TEF: variants seen among roughly 807,000 people sequenced by gnomAD.
TEF encodes the protein thyrotroph embryonic factor.
TEF carries 3 observed loss-of-function variants against 20.8 expected under a neutral mutation model. That is an observed-to-expected ratio of 0.14 (90% CI 0.07 to 0.37). The LOEUF is 0.37. TEF is among the 10% of genes least tolerant of loss of function. The probability of loss-of-function intolerance (pLI) is 1.00; values close to 1 mark genes in which losing one functional copy is unlikely to be tolerated. For synonymous variants in TEF, 180 were observed against 171.1 expected (o/e 1.05, Z -0.41); for missense variants, 296 against 397.9 (o/e 0.74, Z 2.18).
At chr22:41,387,755 G>A in intron 2 of TEF, 87 bp downstream of exon 2, 2 of 1,366,378 alleles carry the variant, frequency 1.5e-6, no homozygotes, top group Non-Finnish European at 2.0e-6. Flanking sequence ...CATGTACCCA[G>A]TGAGTCCCTT....
At chr22:41,393,741 C>T (rs1446632327) in intron 2 of TEF, among the ~76,000 whole-genome samples, 1 of 149,684 alleles carries the variant, frequency 6.7e-6, no homozygotes, top group Non-Finnish European at 1.5e-5. Context: ...CCACTGCACT[C>T]CAGCCTGGGC....
chr22:41,375,110 C>T (rs1033564211), intron 1 of TEF, among the ~76,000 whole-genome samples: 4 of 152,172 alleles, frequency 2.6e-5, no homozygotes, highest in Non-Finnish European at 2.9e-5. Context: ...TCACACAGGG[C>T]AGAGGTGAGG....
intron 1 of TEF, among the ~76,000 whole-genome samples, chr22:41,386,111 C>A (rs938724473): frequency 1.1e-4 from 17 of 152,214 alleles, no homozygotes; most frequent in Non-Finnish European, 4.4e-5. Flanking sequence ...AATCCTGACC[C>A]CCCCGCACCT....
chr22:41,394,022 G>C, intron 2 of TEF, 74 bp from the exon 3 acceptor site: 3 of 1,398,670 alleles, frequency 2.1e-6, no homozygotes, highest in Non-Finnish European at 2.0e-6. Flanking sequence ...GTTCAACCAG[G>C]TGTCTGGGTG....
intron 2 of TEF, among the ~76,000 whole-genome samples, chr22:41,391,858 T>C (rs1413785706): frequency 2.6e-5 from 4 of 151,880 alleles, no homozygotes; most frequent in Non-Finnish European, 2.9e-5. Context: ...CTTGACCTCG[T>C]GATCCACACG....
intron 2 of TEF, among the ~76,000 whole-genome samples, chr22:41,391,358 T>G (rs1362445131): frequency 6.6e-6 from 1 of 151,786 alleles, no homozygotes; most frequent in Non-Finnish European, 1.5e-5. Flanking sequence ...GACAGTCTTA[T>G]TCTGTCACCC....
At chr22:41,382,746 G>T (rs1050743180) in intron 1 of TEF, among the ~76,000 whole-genome samples, 1 of 151,986 alleles carries the variant, frequency 6.6e-6, no homozygotes, top group Non-Finnish European at 1.5e-5. Flanking sequence ...TAGGTCCAAC[G>T]GGAGCCTTTC....
Position 41,381,985 on chromosome 22 carries a change from C to A in TEF, c.-60C>A. 1 of 1,228,600 alleles carries A rather than the reference C, an allele frequency of 8.1e-7. No homozygotes were observed. The highest frequency in any genetic ancestry group is 1.0e-6 in the Non-Finnish European group (1 of 986,042). The allele number at this position is 1,228,600 out of a possible 1,614,324, so 76.1% of individuals were successfully genotyped here. ...GGCAGCTGCAGCGGGTCGCACGGCT[C>A]CGGCCCATCTCGGGGGGCGGGCGGG... On this transcript the variant is annotated 5_prime_UTR_variant, in exon 1 of 4. Transcript: ENST00000266304.
At chr22:41,383,448 C>G (rs1176028284) in intron 1 of TEF, among the ~76,000 whole-genome samples, 3 of 152,180 alleles carry the variant, frequency 2.0e-5, no homozygotes, top group African/African-American at 7.2e-5. Context: ...CCATCCATAA[C>G]AAGAATTCTA....
upstream of TEF, chr22:41,381,865 T>C (rs1008602924): frequency 1.4e-5 from 17 of 1,216,062 alleles, no homozygotes; most frequent in Admixed American, 4.3e-5. Context: ...CCTGGCCTCA[T>C]GAATAATTAA....
intron 2 of TEF, among the ~76,000 whole-genome samples, chr22:41,393,824 G>GA: frequency 6.6e-6 from 1 of 152,194 alleles, no homozygotes; most frequent in East Asian, 1.9e-4. Context: ...TTCTGGAGGG[G>GA]GTGGAAACAA....
At chr22:41,371,771 C>A (rs1297883453) in intron 1 of TEF, among the ~76,000 whole-genome samples, 1 of 152,232 alleles carries the variant, frequency 6.6e-6, no homozygotes, top group Admixed American at 6.5e-5. Context: ...ACACGGCTGT[C>A]TCCTTGGAAA....
chr22:41,381,013 G>A (rs1204346281), upstream of TEF, among the ~76,000 whole-genome samples: 3 of 152,266 alleles, frequency 2.0e-5, no homozygotes, highest in Admixed American at 6.5e-5. Flanking sequence ...AAGGTCATAA[G>A]CTAGTAAGTG....
At position 41,395,302 on chromosome 22, in the gene TEF, G is replaced by A. The variant is rs928509214; in HGVS notation, c.697-443G>A. Among the ~76,000 whole-genome samples the A allele has an allele frequency of 2.6e-5, 4 of 152,212 alleles. No homozygotes were observed. The East Asian group carries it at 7.7e-4, about 29-fold the overall frequency. On this transcript the variant is annotated intron_variant, in intron 3 of 3. Transcript: ENST00000266304. ...ATTACAGGTGTGAGCCACCATGCCT[G>A]GCCTGTTATTTCTCAGTGTAAAGAT... is the stretch of plus-strand genomic sequence containing the variant.
chr22:41,373,032 G>A (rs576557219), intron 1 of TEF, among the ~76,000 whole-genome samples: 4 of 152,286 alleles, frequency 2.6e-5, no homozygotes, highest in East Asian at 3.9e-4. Flanking sequence ...GAGCTTTGAC[G>A]GTCATAAAGA....
In TEF at chr22:41,396,064, C is replaced by T. The variant is rs1016570816; in HGVS notation, c.*104C>T. 1.9e-5 allele frequency: 23 copies of T among 1,242,214 alleles called. No individual in the cohort carries two copies. The highest frequency in any genetic ancestry group is 4.5e-5 in the African/African-American group (3 of 66,406). The allele number at this position is 1,242,214 out of a possible 1,614,324, so 76.9% of individuals were successfully genotyped here. A position where few individuals can be genotyped will look rare whatever the true frequency, so the allele number is the denominator to read the frequency against. On this transcript the variant is annotated 3_prime_UTR_variant, in exon 4 of 4. Transcript: ENST00000266304. ...GTGGAGACTTATGACTCGTCGTGGG[C>T]GCATGGCGGCGCACCTGCTGCAGGA...
At position 41,398,544 on chromosome 22, in the gene TEF, A is replaced by G. The variant is rs926141820; in HGVS notation, c.*2584A>G. ...GAATGAGCTGGAACTTTGCAAGAAT[A>G]TTCATATTATAAATGTCTCATCTGA... On this transcript the variant is annotated 3_prime_UTR_variant, in exon 4 of 4. Coordinates refer to ENST00000266304, the MANE Select transcript of TEF (RefSeq NM_003216.4). The G allele has an allele frequency of 3.3e-5, 5 of 153,670 alleles. No individual in the cohort carries two copies. Among genetic ancestry groups the G allele is most frequent in the African/African-American group, 1.2e-4 (5 of 41,452 alleles). The allele number at this position is 153,670 out of a possible 1,614,324, so 9.5% of individuals were successfully genotyped here. A position where few individuals can be genotyped will look rare whatever the true frequency, so the allele number is the denominator to read the frequency against.
chr22:41,383,449 A>G (rs2037059907), intron 1 of TEF, among the ~76,000 whole-genome samples: 1 of 152,204 alleles, frequency 6.6e-6, no homozygotes, highest in Non-Finnish European at 1.5e-5. Flanking sequence ...CATCCATAAC[A>G]AGAATTCTAC....
chr22:41,381,207 T>TG (rs1447978313), upstream of TEF, among the ~76,000 whole-genome samples: 60 of 152,226 alleles, frequency 3.9e-4, no homozygotes, highest in Non-Finnish European at 1.8e-4. Flanking sequence ...AGGCGACCTC[T>TG]GGGTCGCGTG....
Sources: gnomAD v4.1 joint callset for allele counts (sites outside exome capture counted in the v4.1 genomes callset) on GRCh38, gnomAD v4.1.1 for gene constraint, MANE v1.5 for transcripts, NCBI Gene and HGNC (gene_info 2026-07-23, HGNC 2026-07-21) for gene names.